SNURF: variants seen among roughly 807,000 people sequenced by gnomAD.
SNURF encodes SNURF protein.
Under a neutral mutation model 11.6 loss-of-function variants are expected in SNURF, and 6 were observed. The observed-to-expected ratio is 0.52, with a 90% CI of 0.28 to 1.02. The LOEUF is 1.02. Ranked by LOEUF, SNURF falls within the 50% of genes least tolerant of loss-of-function variation. The pLI is 0.09. For missense variants in SNURF, 84 were observed against 88.4 expected, an observed-to-expected ratio of 0.95 and a Z score of 0.20; for synonymous variants, 29 against 31.6, an observed-to-expected ratio of 0.92 and a Z score of 0.27.
downstream of SNURF, among the ~76,000 whole-genome samples, chr15:24,970,975 A>T (rs538092792): frequency 6.6e-6 from 1 of 152,222 alleles, no homozygotes; most frequent in South Asian, 2.1e-4. Flanking sequence ...ATAATTTTAA[A>T]TTTTAACAGA....
chr15:24,962,258 A>G, intron 2 of SNURF, 49 bp downstream of exon 2: 1 of 1,452,606 alleles, frequency 6.9e-7, no homozygotes, highest in Non-Finnish European at 9.7e-7. Flanking sequence ...ATCTCCTTTC[A>G]GATTAGAACA....
downstream of SNURF, chr15:24,977,889 C>A: frequency 6.3e-7 from 1 of 1,582,510 alleles, no homozygotes; most frequent in Non-Finnish European, 8.6e-7. Context: ...TCCGCCCCCA[C>A]CCGTCGGCAG....
At chr15:24,977,985 C>T, downstream of SNURF, 5 of 1,417,500 alleles carry the variant, frequency 3.5e-6, no homozygotes, top group South Asian at 1.4e-5. Context: ...ATTTAAGACA[C>T]AGCCTGAGAG....
At chr15:24,956,354 C>CGGGGGT (rs1555404321) in intron 1 of SNURF, among the ~76,000 whole-genome samples, 1 of 138,158 alleles carries the variant, frequency 7.2e-6, no homozygotes, top group Admixed American at 7.7e-5. Context: ...AGCGCTTCAG[C>CGGGGGT]GGGGGGGTGG....
exon 3 of SNURF, chr15:24,968,028 A>C (rs1460921830): frequency 6.2e-7 from 1 of 1,613,960 alleles, no homozygotes; most frequent in Non-Finnish European, 8.5e-7. Flanking sequence ...AGACACCAAG[A>C]GGTGGTTAAA....
At chr15:24,967,754 G>A (rs1485255163) in intron 2 of SNURF, among the ~76,000 whole-genome samples, 178 bp from the exon 3 acceptor site, 1 of 147,970 alleles carries the variant, frequency 6.8e-6, no homozygotes, top group Admixed American at 6.9e-5. Flanking sequence ...TTTGTGGTGA[G>A]CAGAAATTGC....
chr15:24,978,169 T>C (rs754650150), downstream of SNURF: 150 of 1,606,740 alleles, frequency 9.3e-5, no homozygotes, highest in Non-Finnish European at 5.9e-5. Context: ...ATGAGGCCTT[T>C]ATTTCTACCA....
exon 3 of SNURF, chr15:24,968,293 A>G (rs1223300042): frequency 2.5e-6 from 1 of 394,390 alleles, no homozygotes; most frequent in Non-Finnish European, 4.6e-6. Flanking sequence ...ATTGTAGCGC[A>G]TGCTTTTCAG....
downstream of SNURF, chr15:24,978,515 G>C: frequency 7.2e-7 from 1 of 1,386,030 alleles, no homozygotes; most frequent in Non-Finnish European, 1.0e-6. Flanking sequence ...GAGTGTTTGT[G>C]AGCTTTTTGT....
At chr15:24,974,921 G>C (rs950330414) in intron 3 of SNURF, 20 of 702,834 alleles carry the variant, frequency 2.8e-5, no homozygotes, top group Non-Finnish European at 4.4e-5. Flanking sequence ...GATTCCACCA[G>C]TGGTGAAGGA....
chr15:24,967,416 G>T (rs1294665128), intron 2 of SNURF, among the ~76,000 whole-genome samples: 1 of 151,966 alleles, frequency 6.6e-6, no homozygotes, highest in Admixed American at 6.6e-5. Flanking sequence ...AAAGTGGGTG[G>T]ATCACCTGAG....
chr15:24,976,297 A>T (rs1322162194), intron 4 of SNURF: 44 of 1,611,658 alleles, frequency 2.7e-5, no homozygotes, highest in Non-Finnish European at 3.7e-5. Context: ...TTTAATTCTG[A>T]TTTGTAGGCC....
Position 24,974,685 on chromosome 15 carries a change from G to A in SNURF, c.*46-673G>A, listed in dbSNP as rs2554425. Reference sequence around the variant, plus strand: ...TCCCAGTCTGGAGTGCAGTGGTGCGGTCTTGGCTCACTGCAACCCTGGGTT... The same window carrying A: ...TCCCAGTCTGGAGTGCAGTGGTGCGATCTTGGCTCACTGCAACCCTGGGTT... On this transcript the variant is annotated intron_variant and NMD_transcript_variant, in intron 3 of 6. Transcript: ENST00000580062. 2,353 of 616,290 alleles carry A rather than the reference G, an allele frequency of 3.8e-3. 33 individuals carry two copies. Among genetic ancestry groups the A allele is most frequent in the African/African-American group, 0.032 (1,743 of 54,132 alleles). The allele number at this position is 616,290 out of a possible 1,614,324, so 38.2% of individuals were successfully genotyped here. A position where few individuals can be genotyped will look rare whatever the true frequency, so the allele number is the denominator to read the frequency against.
At chr15:24,955,766 T>C (rs1427068241) in intron 1 of SNURF, among the ~76,000 whole-genome samples, 1 of 150,244 alleles carries the variant, frequency 6.7e-6, no homozygotes, top group African/African-American at 2.5e-5. Flanking sequence ...CAGTGGGTAT[T>C]GGCGGCGGTG....
chr15:24,956,771 G>A (rs949676553), intron 1 of SNURF, among the ~76,000 whole-genome samples: 6 of 152,168 alleles, frequency 3.9e-5, no homozygotes, highest in Non-Finnish European at 7.4e-5. Context: ...TACCCACGGT[G>A]CAGCAGTAGA....
chr15:24,958,486 G>GTTTTTTTTTTTTTTT, intron 1 of SNURF, among the ~76,000 whole-genome samples: 1 of 65,284 alleles, frequency 1.5e-5, no homozygotes, highest in Middle Eastern at 0.022. Flanking sequence ...CTGGCTCAAA[G>GTTTTTTTTTTTTTTT]TTTTTTTTTT....
At chr15:24,976,773 A>G in intron 5 of SNURF, 1 of 982,986 alleles carries the variant, frequency 1.0e-6, no homozygotes. Flanking sequence ...CTAATATGAG[A>G]TAGGTGTCAT....
chr15:24,968,606 CATACTTTCACAGCATTATTTTAATTCA>C (rs1344838657), downstream of SNURF, among the ~76,000 whole-genome samples: 1 of 152,106 alleles, frequency 6.6e-6, no homozygotes, highest in East Asian at 1.9e-4. Context: ...CCAGTTACAA[CATACTTTCACAGCATTATTTTAATTCA>C]AATATGGTTT....
intron 6 of SNURF, chr15:24,977,081 G>A: frequency 7.0e-7 from 1 of 1,432,824 alleles, no homozygotes; most frequent in East Asian, 2.4e-5. Context: ...GACTAAGCCG[G>A]AGGCCGAGGA....
Sources: gnomAD v4.1 joint callset for allele counts (sites outside exome capture counted in the v4.1 genomes callset) on GRCh38, gnomAD v4.1.1 for gene constraint, MANE v1.5 for transcripts, NCBI Gene and HGNC (gene_info 2026-07-23, HGNC 2026-07-21) for gene names.